The following NDC1 variants were observed in gnomAD, a reference collection of about 807,000 sequenced individuals.
NDC1 encodes nucleoporin NDC1.
Under a neutral mutation model 89.8 loss-of-function variants are expected in NDC1, and 24 were observed. The observed-to-expected ratio is 0.27, with a 90% confidence interval of 0.19 to 0.38. The LOEUF (loss-of-function observed/expected upper bound fraction) is 0.38, where lower values mean the gene tolerates loss of function less well. Among genes scored for constraint, NDC1 ranks in the 10% least tolerant of loss-of-function variants. The pLI is 1.00. For missense variants in NDC1, 728 were observed against 797.6 expected, an observed-to-expected ratio of 0.91 and a Z score of 1.05; for synonymous variants, 296 against 284.8, an observed-to-expected ratio of 1.04 and a Z score of -0.39.
chr1:53,795,325 A>G (rs151266688), intron 13 of NDC1, among the ~76,000 whole-genome samples: 2 of 152,180 alleles, frequency 1.3e-5, no homozygotes, highest in East Asian at 3.9e-4. Flanking sequence ...AATACTATCT[A>G]TACTCTGAAA....
chr1:53,790,645 T>G (rs1647464952), intron 14 of NDC1, among the ~76,000 whole-genome samples: 1 of 151,956 alleles, frequency 6.6e-6, no homozygotes, highest in East Asian at 1.9e-4. Flanking sequence ...AGGCAGAGGT[T>G]GCAGTGAGTC....
chr1:53,785,237 T>C (rs559547790), intron 16 of NDC1, among the ~76,000 whole-genome samples: 13 of 152,362 alleles, frequency 8.5e-5, no homozygotes, highest in Non-Finnish European at 1.3e-4. Context: ...CCATTATTGT[T>C]GTTTTAACTA....
Position 53,765,753 on chromosome 1 carries a change from T to C in NDC1, c.*2217A>G, listed in dbSNP as rs1341687732. The C allele has an allele frequency of 6.6e-6, 1 of 152,100 alleles. No individual in the cohort carries two copies. The highest frequency in any genetic ancestry group is 1.5e-5 in the Non-Finnish European group (1 of 68,030). 9.4% of individuals were successfully genotyped at this position (152,100 alleles called of 1,614,324 possible). On this transcript the variant is annotated 3_prime_UTR_variant, in exon 18 of 18. Coordinates refer to ENST00000371429, the MANE Select transcript of NDC1 (RefSeq NM_018087.5). ...CATGCTAAGAGCTGATACCATCATG[T>C]TTTTATACTAACAGCCGAGAAAGGC...
At chr1:53,821,811 CTAAA>C (rs746531205) in intron 5 of NDC1, among the ~76,000 whole-genome samples, 50 of 152,302 alleles carry the variant, frequency 3.3e-4, no homozygotes, top group Middle Eastern at 6.8e-3. Context: ...CTACCCTTCA[CTAAA>C]TATTTACTGT....
chr1:53,789,285 A>G, intron 14 of NDC1, 89 bp from the exon 15 acceptor site: 5 of 701,108 alleles, frequency 7.1e-6, no homozygotes, highest in Non-Finnish European at 1.2e-5. Context: ...CCACAAAACA[A>G]AAAATTCACA....
intron 14 of NDC1, among the ~76,000 whole-genome samples, chr1:53,790,623 C>T (rs973126519): frequency 2.0e-5 from 3 of 151,868 alleles, no homozygotes; most frequent in Non-Finnish European, 4.4e-5. Context: ...GGGAGAATCG[C>T]TTGAACCCGG....
intron 14 of NDC1, among the ~76,000 whole-genome samples, chr1:53,791,036 C>T (rs1456543189): frequency 6.6e-6 from 1 of 152,154 alleles, no homozygotes. Flanking sequence ...CCATCCTCCT[C>T]CTACCCTCTA....
rs1648167466 is a variant in NDC1, at chr1:53,807,867, T to C, written c.756-76A>G. 6.9e-6 allele frequency: 9 copies of C among 1,305,870 alleles called. No individual in the cohort carries two copies. The East Asian group carries it at 1.9e-4, about 28-fold the overall frequency. The allele number at this position is 1,305,870 out of a possible 1,614,324, so 80.9% of individuals were successfully genotyped here. On this transcript the variant is annotated intron_variant, in intron 7 of 17. Coordinates refer to ENST00000371429, the MANE Select transcript of NDC1 (RefSeq NM_018087.5). ...TATTAACACACTTAAGTCTCCACAT[T>C]GAGACACAAATATTATGTCTAAATA...
intron 3 of NDC1, among the ~76,000 whole-genome samples, chr1:53,831,877 A>G (rs1019956598): frequency 2.6e-5 from 4 of 152,080 alleles, no homozygotes; most frequent in African/African-American, 9.7e-5. Context: ...AAGGCAAAAC[A>G]TAAGTTTTTT....
chr1:53,825,053 A>G (rs2100687109), intron 5 of NDC1, among the ~76,000 whole-genome samples: 1 of 152,300 alleles, frequency 6.6e-6, no homozygotes, highest in East Asian at 1.9e-4. Flanking sequence ...GCACACCTGT[A>G]GTCCCAGATA....
intron 15 of NDC1, among the ~76,000 whole-genome samples, chr1:53,787,664 G>GATAAATAAATAAATAA (rs56823781): frequency 8.6e-4 from 127 of 146,826 alleles, no homozygotes; most frequent in African/African-American, 3.0e-3. Flanking sequence ...TAAATAAATA[G>GATAAATAAATAAATAA]ATAAATAAAT....
At chr1:53,826,773 C>T (rs1379738278) in intron 4 of NDC1, among the ~76,000 whole-genome samples, 1 of 152,064 alleles carries the variant, frequency 6.6e-6, no homozygotes, top group African/African-American at 2.4e-5. Context: ...AGGTTGTAGG[C>T]CTGCCCCACC....
intron 10 of NDC1, among the ~76,000 whole-genome samples, chr1:53,801,371 A>G (rs1647910813): frequency 6.6e-6 from 1 of 152,104 alleles, no homozygotes; most frequent in South Asian, 2.1e-4. Flanking sequence ...TGTGGGAATG[A>G]CTCGTTAATA....
intron 16 of NDC1, among the ~76,000 whole-genome samples, chr1:53,776,249 G>A (rs943424769): frequency 1.1e-4 from 17 of 152,178 alleles, no homozygotes; most frequent in African/African-American, 3.6e-4. Context: ...GAGCTACCGC[G>A]CCCGGTCCTG....
At chr1:53,798,092 C>T (rs1370647940) in intron 11 of NDC1, among the ~76,000 whole-genome samples, 2 of 150,324 alleles carry the variant, frequency 1.3e-5, no homozygotes, top group Non-Finnish European at 3.0e-5. Flanking sequence ...GTCACTCCAG[C>T]ACAAGCCACA....
rs779192992 is a variant in NDC1, at chr1:53,835,632, A to G, written c.58-12T>C. On this transcript the variant is annotated splice_polypyrimidine_tract_variant and intron_variant, in intron 1 of 17. Coordinates refer to ENST00000371429, the MANE Select transcript of NDC1 (RefSeq NM_018087.5). ...CTCCAGCCCAAAACCTATAAACAAA[A>G]AGAAAAACCCTCACTCATGAAGTCA... is the stretch of plus-strand genomic sequence containing the variant. 2.5e-6 allele frequency: 4 copies of G among 1,597,098 alleles called. No individual in the cohort carries two copies. The South Asian group carries it at 4.6e-5, about 18-fold the overall frequency.
Position 53,800,673 on chromosome 1 carries a change from T to C in NDC1, c.1222+20A>G, listed in dbSNP as rs1647878752. 6.2e-7 allele frequency: 1 copy of C among 1,610,914 alleles called. No homozygotes were observed. The highest frequency in any genetic ancestry group is 1.3e-5 in the African/African-American group (1 of 74,874). On this transcript the variant is annotated intron_variant, in intron 11 of 17. Transcript: ENST00000371429. Reference sequence around the variant, plus strand: ...AATAAAATGTAAATGTTTTCCCCTCTTAGTAGTCCTAGGGATTACCTGGAG... The same window carrying C: ...AATAAAATGTAAATGTTTTCCCCTCCTAGTAGTCCTAGGGATTACCTGGAG...
At chr1:53,803,582 T>G (rs578008677) in intron 10 of NDC1, among the ~76,000 whole-genome samples, 1 of 152,316 alleles carries the variant, frequency 6.6e-6, no homozygotes, top group African/African-American at 2.4e-5. Context: ...AATTTTTTTT[T>G]TCTTTTTGAG....
chr1:53,777,457 T>G (rs1647172241), intron 16 of NDC1, among the ~76,000 whole-genome samples: 1 of 152,122 alleles, frequency 6.6e-6, no homozygotes, highest in African/African-American at 2.4e-5. Context: ...AAAAATTAGG[T>G]CCAACACACC....
Sources: gnomAD v4.1 joint callset for allele counts (sites outside exome capture counted in the v4.1 genomes callset) on GRCh38, gnomAD v4.1.1 for gene constraint, MANE v1.5 for transcripts, NCBI Gene and HGNC (gene_info 2026-07-23, HGNC 2026-07-21) for gene names.